Variants in DAB1 observed in about 807,000 individuals in gnomAD.
The protein encoded by DAB1 is disabled homolog 1.
Under a neutral mutation model 64.6 loss-of-function variants are expected in DAB1, and 15 were observed. The observed-to-expected ratio is 0.23, with a 90% confidence interval of 0.16 to 0.36. DAB1 has a LOEUF of 0.36. Among genes scored for constraint, DAB1 ranks in the 10% least tolerant of loss-of-function variants. The pLI, the probability that DAB1 is intolerant of heterozygous loss-of-function variation, is 1.00. For missense variants in DAB1, 596 were observed against 706.7 expected (o/e 0.84, Z 1.78); for synonymous variants, 235 against 251.9 (o/e 0.93, Z 0.64).
intron 3 of DAB1, among the ~76,000 whole-genome samples, chr1:58,504,421 G>A (rs987741186): frequency 2.6e-5 from 4 of 152,070 alleles, no homozygotes; most frequent in Non-Finnish European, 5.9e-5. Context: ...GCTTCCTTCC[G>A]GATTCTGATT....
chr1:58,465,100 C>T (rs1645281384), intron 3 of DAB1, among the ~76,000 whole-genome samples: 1 of 152,242 alleles, frequency 6.6e-6, no homozygotes, highest in Admixed American at 6.5e-5. Context: ...TTAACCAATA[C>T]AGTATCTTTA....
intron 1 of DAB1, among the ~76,000 whole-genome samples, chr1:57,375,312 A>G (rs948250135): frequency 1.3e-5 from 2 of 152,214 alleles, no homozygotes; most frequent in Admixed American, 6.5e-5. Flanking sequence ...GTCAGAGAAC[A>G]TTATTAGATC....
rs78338197 is a variant in DAB1 at position 57,179,088 on chromosome 1, C to T, written c.68-33659G>A. On this transcript the variant is annotated intron_variant, in intron 2 of 14. Coordinates refer to ENST00000371236, the MANE Select transcript of DAB1 (RefSeq NM_001365792.1). ...CAACATGAGAGTCATCAGCAGATGT[C>T]AAACAGACCTTCAACCTCATTTAGA... Among the ~76,000 whole-genome samples the T allele has an allele frequency of 2.9e-4, 44 of 152,258 alleles. No individual in the cohort carries two copies. The East Asian group carries it at 8.3e-3, about 29-fold the overall frequency.
At chr1:57,173,691 A>G (rs1662014135) in intron 2 of DAB1, among the ~76,000 whole-genome samples, 1 of 152,214 alleles carries the variant, frequency 6.6e-6, no homozygotes, top group Non-Finnish European at 1.5e-5. Flanking sequence ...CATTTCATAT[A>G]AGACATTTTC....
intron 6 of DAB1, among the ~76,000 whole-genome samples, chr1:57,784,246 T>A (rs1375568300): frequency 6.6e-6 from 1 of 152,014 alleles, no homozygotes; most frequent in Non-Finnish European, 1.5e-5. Context: ...ATACAAAAAT[T>A]AGCCAAGTAT....
intron 7 of DAB1, among the ~76,000 whole-genome samples, chr1:57,512,020 T>C (rs975319172): frequency 1.8e-4 from 28 of 152,178 alleles, no homozygotes; most frequent in African/African-American, 6.0e-4. Flanking sequence ...TCTCACCATA[T>C]ACAACCACAC....
chr1:57,225,738 T>C (rs2100405256), intron 2 of DAB1, among the ~76,000 whole-genome samples: 1 of 152,366 alleles, frequency 6.6e-6, no homozygotes, highest in Middle Eastern at 3.4e-3. Context: ...CAAGTGTGTC[T>C]AGCTGTAAAT....
rs1353147696 is a variant in DAB1, at chr1:56,997,693, G to T, written c.*451C>A. 2 of 152,160 alleles carry T rather than the reference G, an allele frequency of 1.3e-5. No individual in the cohort carries two copies. Among genetic ancestry groups the T allele is most frequent in the Admixed American group, 6.5e-5 (1 of 15,268 alleles). 9.4% of individuals were successfully genotyped at this position (152,160 alleles called of 1,614,324 possible). A position where few individuals can be genotyped will look rare whatever the true frequency, so the allele number is the denominator to read the frequency against. ...AGAAGACCCTTTGCTTTTGCTTAAAGAAGTCAGTTCCAACCCTGTTGTAAT... is the reference window on the plus strand; with the variant it reads ...AGAAGACCCTTTGCTTTTGCTTAAATAAGTCAGTTCCAACCCTGTTGTAAT... On this transcript the variant is annotated 3_prime_UTR_variant, in exon 15 of 15. Transcript: ENST00000371236.
At chr1:57,854,888 G>C (rs1393940839) in intron 1 of DAB1, among the ~76,000 whole-genome samples, 1 of 152,070 alleles carries the variant, frequency 6.6e-6, no homozygotes, top group African/African-American at 2.4e-5. Context: ...TTGAACCTTA[G>C]ATACAAATCT....
intron 3 of DAB1, among the ~76,000 whole-genome samples, chr1:58,410,184 C>T (rs919749416): frequency 2.0e-5 from 3 of 152,162 alleles, no homozygotes; most frequent in Admixed American, 1.3e-4. Context: ...CCACCCAGCC[C>T]CATGAAGGAA....
chr1:57,423,889 G>A (rs1685128418), intron 1 of DAB1, 41 bp downstream of exon 1: 1 of 151,922 alleles, frequency 6.6e-6, no homozygotes, highest in Non-Finnish European at 1.5e-5. Context: ...CACCTGCGGC[G>A]CTGAACTCAA....
At chr1:58,353,061 G>A (rs1165628915) in intron 3 of DAB1, among the ~76,000 whole-genome samples, 1 of 152,068 alleles carries the variant, frequency 6.6e-6, no homozygotes, top group East Asian at 1.9e-4. Context: ...ACTGTCTGGA[G>A]TTATGCCACG....
At chr1:57,152,885 C>G (rs1441872830) in intron 2 of DAB1, among the ~76,000 whole-genome samples, 1 of 152,108 alleles carries the variant, frequency 6.6e-6, no homozygotes, top group Non-Finnish European at 1.5e-5. Flanking sequence ...GAACCCAGGT[C>G]TTCATAAATC....
chr1:58,080,158 A>G (rs1329946069), intron 5 of DAB1: 1 of 152,176 alleles, frequency 6.6e-6, no homozygotes, highest in African/African-American at 2.4e-5. Flanking sequence ...ACCCCCAACC[A>G]TTGTCCACAC....
At chr1:58,481,051 T>G (rs35739143) in intron 3 of DAB1, 10 of 871,964 alleles carry the variant, frequency 1.1e-5, no homozygotes, top group Non-Finnish European at 2.0e-5. Context: ...TTCTGTTTCT[T>G]CGTGATATTT....
intron 2 of DAB1, among the ~76,000 whole-genome samples, chr1:57,161,855 A>C (rs1660787397): frequency 6.6e-6 from 1 of 152,146 alleles, no homozygotes; most frequent in African/African-American, 2.4e-5. Flanking sequence ...TTCTTCAAAA[A>C]AAAAAAAAAA....
intron 4 of DAB1, among the ~76,000 whole-genome samples, chr1:58,303,875 C>T (rs1277418064): frequency 6.6e-6 from 1 of 152,038 alleles, no homozygotes; most frequent in Non-Finnish European, 1.5e-5. Context: ...AATTTATTTG[C>T]TTATGTTTGG....
At chr1:58,451,515 C>T (rs1645136371) in intron 3 of DAB1, among the ~76,000 whole-genome samples, 1 of 152,092 alleles carries the variant, frequency 6.6e-6, no homozygotes, top group South Asian at 2.1e-4. Flanking sequence ...TAGTATTGTG[C>T]CAGTATTAAT....
At chr1:58,118,034 G>A (rs1652454482) in intron 5 of DAB1, among the ~76,000 whole-genome samples, 1 of 151,696 alleles carries the variant, frequency 6.6e-6, no homozygotes, top group East Asian at 1.9e-4. Flanking sequence ...CTCCTGAGTA[G>A]CTGGGATCAC....
Sources: gnomAD v4.1 joint callset for allele counts (sites outside exome capture counted in the v4.1 genomes callset) on GRCh38, gnomAD v4.1.1 for gene constraint, MANE v1.5 for transcripts, NCBI Gene and HGNC (gene_info 2026-07-23, HGNC 2026-07-21) for gene names.